The following SLC24A3 variants were observed in gnomAD, a reference collection of about 807,000 sequenced individuals.
The protein encoded by SLC24A3 is solute carrier family 24 member 3, also known as sodium/potassium/calcium exchanger 3.
A neutral mutation model predicts 75.8 loss-of-function variants in SLC24A3; 28 were observed. The ratio of observed to expected loss-of-function variants is 0.37; its 90% CI spans 0.27 to 0.51. The LOEUF (loss-of-function observed/expected upper bound fraction) is 0.51, where lower values mean the gene tolerates loss of function less well. SLC24A3 is among the 20% of genes least tolerant of loss of function. SLC24A3 has a pLI of 0.94. For synonymous variants in SLC24A3, 372 were observed against 334.1 expected (o/e 1.11, Z -1.24); for missense variants, 663 against 847.8 (o/e 0.78, Z 2.71).
chr20:19,665,792 CGTGTG>C (rs2032391860), intron 7 of SLC24A3, 67 bp from the exon 8 acceptor site: 23 of 1,202,230 alleles, frequency 1.9e-5, no homozygotes, highest in Non-Finnish European at 2.5e-5. Flanking sequence ...AGCCTTAAAG[CGTGTG>C]TGTGTGTGTG....
At chr20:19,662,508 C>G (rs1458462950) in intron 7 of SLC24A3, among the ~76,000 whole-genome samples, 1 of 152,248 alleles carries the variant, frequency 6.6e-6, no homozygotes, top group Non-Finnish European at 1.5e-5. Context: ...CGAAAATGGA[C>G]TTGAACTGAC....
chr20:19,414,877 A>G, intron 2 of SLC24A3, among the ~76,000 whole-genome samples: 1 of 152,176 alleles, frequency 6.6e-6, no homozygotes. Context: ...CTTGGCTGTC[A>G]AAAACCTAAG....
intron 2 of SLC24A3, among the ~76,000 whole-genome samples, chr20:19,478,624 T>G (rs1600246142): frequency 6.6e-6 from 1 of 152,136 alleles, no homozygotes; most frequent in South Asian, 2.1e-4. Context: ...CAGCCCCTTT[T>G]GGGGGAAGGG....
chr20:19,477,988 C>A (rs550160926), intron 2 of SLC24A3, among the ~76,000 whole-genome samples: 1 of 152,340 alleles, frequency 6.6e-6, no homozygotes, highest in Non-Finnish European at 1.5e-5. Flanking sequence ...GGTCCCTGGA[C>A]ATCAATTCCC....
intron 6 of SLC24A3, among the ~76,000 whole-genome samples, chr20:19,641,014 T>A (rs2032070155): frequency 6.6e-6 from 1 of 152,238 alleles, no homozygotes; most frequent in Non-Finnish European, 1.5e-5. Flanking sequence ...TTCTTGCCAG[T>A]ACTTCTATTC....
intron 2 of SLC24A3, among the ~76,000 whole-genome samples, chr20:19,339,300 T>TC (rs1985213961): frequency 6.6e-6 from 1 of 152,084 alleles, no homozygotes; most frequent in Non-Finnish European, 1.5e-5. Context: ...GTTTTTTTTT[T>TC]CCCCTTGTGC....
chr20:19,236,610 G>A (rs547404745), intron 1 of SLC24A3, among the ~76,000 whole-genome samples: 1 of 152,156 alleles, frequency 6.6e-6, no homozygotes, highest in East Asian at 1.9e-4. Flanking sequence ...GCAAAAATTG[G>A]CCAGGCATGG....
chr20:19,348,330 A>G (rs1985478560), intron 2 of SLC24A3, among the ~76,000 whole-genome samples: 1 of 151,948 alleles, frequency 6.6e-6, no homozygotes, highest in East Asian at 1.9e-4. Context: ...TCATTTTAGC[A>G]CCTCCGATAG....
At chr20:19,560,607 A>ACCT (rs2030859453) in intron 3 of SLC24A3, among the ~76,000 whole-genome samples, 1 of 152,118 alleles carries the variant, frequency 6.6e-6, no homozygotes, top group Non-Finnish European at 1.5e-5. Context: ...ATTCCACAAC[A>ACCT]CCTCCCATTA....
chr20:19,613,130 G>A (rs997312370), intron 6 of SLC24A3, among the ~76,000 whole-genome samples: 1 of 152,164 alleles, frequency 6.6e-6, no homozygotes, highest in East Asian at 1.9e-4. Flanking sequence ...TCCCCACCCA[G>A]AACCCCCAGT....
At chr20:19,251,509 G>C (rs1272771542) in intron 1 of SLC24A3, among the ~76,000 whole-genome samples, 2 of 152,196 alleles carry the variant, frequency 1.3e-5, no homozygotes, top group Admixed American at 6.5e-5. Flanking sequence ...ATGAAACAGA[G>C]TGAGGGGAAA....
intron 2 of SLC24A3, among the ~76,000 whole-genome samples, chr20:19,389,976 G>T (rs954557176): frequency 5.9e-5 from 9 of 152,016 alleles, no homozygotes; most frequent in Admixed American, 5.9e-4. Flanking sequence ...CTTTAAGCTC[G>T]ATGATTCTTT....
intron 2 of SLC24A3, among the ~76,000 whole-genome samples, chr20:19,310,618 T>G (rs968148911): frequency 1.3e-5 from 2 of 152,224 alleles, no homozygotes; most frequent in African/African-American, 4.8e-5. Flanking sequence ...CTCCAGCCAC[T>G]GTTCTTCCTC....
intron 3 of SLC24A3, among the ~76,000 whole-genome samples, chr20:19,576,875 A>C (rs181306935): frequency 1.1e-3 from 175 of 152,312 alleles, no homozygotes; most frequent in Non-Finnish European, 2.2e-3. Flanking sequence ...ACAAATGTGC[A>C]ATTCTGTATC....
intron 9 of SLC24A3, among the ~76,000 whole-genome samples, chr20:19,678,951 C>G (rs1160491032): frequency 6.6e-6 from 1 of 150,780 alleles, no homozygotes; most frequent in African/African-American, 2.4e-5. Context: ...GATGGGAGGC[C>G]GGGCAGAGAC....
chr20:19,286,908 C>G (rs1243957291), intron 2 of SLC24A3, among the ~76,000 whole-genome samples: 2 of 152,220 alleles, frequency 1.3e-5, no homozygotes, highest in Non-Finnish European at 2.9e-5. Flanking sequence ...TAAGATTCAT[C>G]TGTACATTAT....
At position 19,565,093 on chromosome 20, in the gene SLC24A3, A is replaced by G. The variant is rs149253125; in HGVS notation, c.349-14907A>G. On this transcript the variant is annotated intron_variant, in intron 3 of 16. Coordinates refer to ENST00000328041, the MANE Select transcript of SLC24A3 (RefSeq NM_020689.4). Reference sequence around the variant, plus strand: ...AGTGCTGGGATTACATCGTGTGCCAACACACCCGGCTTCCATCCTCTCATT... The same window carrying G: ...AGTGCTGGGATTACATCGTGTGCCAGCACACCCGGCTTCCATCCTCTCATT... 2.0e-5 allele frequency among the ~76,000 whole-genome samples: 3 copies of G among 152,330 alleles called. No individual in the cohort carries two copies. In the East Asian group the frequency reaches 5.8e-4, roughly 29 times the overall value.
At chr20:19,553,974 A>T (rs1294891289) in intron 3 of SLC24A3, among the ~76,000 whole-genome samples, 1 of 152,212 alleles carries the variant, frequency 6.6e-6, no homozygotes, top group Non-Finnish European at 1.5e-5. Flanking sequence ...CGATTCAGAA[A>T]AGGCAGAAAT....
At chr20:19,412,726 C>T (rs1378803298) in intron 2 of SLC24A3, among the ~76,000 whole-genome samples, 1 of 152,098 alleles carries the variant, frequency 6.6e-6, no homozygotes, top group Non-Finnish European at 1.5e-5. Context: ...TTTTGGATGT[C>T]ACTTTGACTT....
Sources: allele counts gnomAD v4.1 joint callset (sites outside exome capture counted in the v4.1 genomes callset), GRCh38; gene constraint gnomAD v4.1.1; transcripts MANE v1.5; gene names NCBI Gene and HGNC (gene_info 2026-07-23, HGNC 2026-07-21).